The following ALS2 variants were observed in gnomAD, a reference collection of about 807,000 sequenced individuals.
ALS2 encodes the protein alsin.
Under a neutral mutation model 203.4 loss-of-function variants are expected in ALS2, and 117 were observed. That is an observed-to-expected ratio of 0.58 (90% CI 0.50 to 0.67). The LOEUF is 0.67. Ranked by LOEUF, ALS2 falls within the 30% of genes least tolerant of loss-of-function variation. The probability of loss-of-function intolerance (pLI) is 0.00; values close to 1 mark genes in which losing one functional copy is unlikely to be tolerated. For missense variants in ALS2, 1,715 were observed against 1,989.4 expected, an observed-to-expected ratio of 0.86 and a Z score of 2.62; for synonymous variants, 718 against 725.9, an observed-to-expected ratio of 0.99 and a Z score of 0.17.
At chr2:201,770,926 A>T (rs7573960) in intron 1 of ALS2, among the ~76,000 whole-genome samples, 13 of 151,994 alleles carry the variant, frequency 8.6e-5, no homozygotes, top group Admixed American at 3.3e-4. Flanking sequence ...CAGAACTTGA[A>T]GATAATATAT....
intron 4 of ALS2, among the ~76,000 whole-genome samples, chr2:201,758,782 GTGTT>G (rs1428096914): frequency 2.0e-4 from 30 of 151,950 alleles, no homozygotes; most frequent in African/African-American, 6.0e-4. Flanking sequence ...GTGTGTGTGT[GTGTT>G]TGTTTGTATA....
At chr2:201,734,467 C>CAAAAAAAAAAAAAAAAAAAAA (rs576164468) in intron 12 of ALS2, among the ~76,000 whole-genome samples, 1 of 132,358 alleles carries the variant, frequency 7.6e-6, no homozygotes. Context: ...CAGCCTGTCT[C>CAAAAAAAAAAAAAAAAAAAAA]AAAAAAAAAA....
At chr2:201,717,666 A>G (rs1690494409) in intron 24 of ALS2, among the ~76,000 whole-genome samples, 1 of 150,026 alleles carries the variant, frequency 6.7e-6, no homozygotes, top group African/African-American at 2.4e-5. Context: ...GACTTTGGCC[A>G]GGTGCAGCGG....
Position 201,761,302 on chromosome 2 carries a change from C to T in ALS2, c.692G>A (p.Arg231Gln), listed in dbSNP as rs1693753698. 1 of 1,614,102 alleles carries T rather than the reference C, an allele frequency of 6.2e-7. No individual in the cohort carries two copies. The highest frequency in any genetic ancestry group is 8.5e-7 in the Non-Finnish European group (1 of 1,180,030). The change falls in exon 4 of 34, where the codon CGA becomes CAA. Residue 231 changes from arginine to glutamine, a missense_variant. Physicochemically the swap from Arg to Gln is conservative, Grantham distance 43 (BLOSUM62 1). Coordinates refer to ENST00000264276, the MANE Select transcript of ALS2 (RefSeq NM_020919.4). ...PSQDLKPVPERCNQCSQLLIT... is the reference protein window; with the variant it reads ...PSQDLKPVPEQCNQCSQLLIT... ...CAAGAGCTGGCTGCACTGGTTGCATCGTTCTGGGACTGGCTTCAGATCCTG... is the reference window on the plus strand; with the variant it reads ...CAAGAGCTGGCTGCACTGGTTGCATTGTTCTGGGACTGGCTTCAGATCCTG...
Position 201,726,728 on chromosome 2 carries a change from T to C in ALS2, c.3118A>G (p.Lys1040Glu), listed in dbSNP as rs1364608274. 1 of 1,614,114 alleles carries C rather than the reference T, an allele frequency of 6.2e-7. No homozygotes were observed. ...ISRSAKYTFYKDPRLKDATYD... is the reference protein window; with the variant it reads ...ISRSAKYTFYEDPRLKDATYD... ...GTGGCATCCTTTAGGCGAGGATCCT[T>C]GTAGAAAGTATATTTGGCACTGCGT... Residue 1040 changes from lysine to glutamate, a missense_variant, in exon 18 of 34, where the codon AAG becomes GAG. This residue lies in a region of ALS2 where 1,227 missense variants were observed against 1,413.5 expected (regional missense o/e 0.87). Coordinates refer to ENST00000264276, the MANE Select transcript of ALS2 (RefSeq NM_020919.4).
chr2:201,747,267 G>C (rs1367646027), intron 8 of ALS2, among the ~76,000 whole-genome samples: 1 of 152,020 alleles, frequency 6.6e-6, no homozygotes, highest in African/African-American at 2.4e-5. Flanking sequence ...ACTTTACTGT[G>C]CCTACTCCCA....
chr2:201,770,846 G>A (rs957836058), intron 1 of ALS2, among the ~76,000 whole-genome samples: 4 of 152,020 alleles, frequency 2.6e-5, no homozygotes, highest in Non-Finnish European at 2.9e-5. Flanking sequence ...TTCCTAGAGC[G>A]TCCAGAAAAA....
chr2:201,732,447 A>C (rs1691630689), intron 13 of ALS2, among the ~76,000 whole-genome samples: 1 of 151,786 alleles, frequency 6.6e-6, no homozygotes, highest in Non-Finnish European at 1.5e-5. Flanking sequence ...ACACACCTGT[A>C]ATCTCAGCTA....
chr2:201,717,837 A>T (rs1414019525), intron 24 of ALS2, among the ~76,000 whole-genome samples: 1 of 151,528 alleles, frequency 6.6e-6, no homozygotes, highest in Non-Finnish European at 1.5e-5. Flanking sequence ...CTACTAGGGA[A>T]GCTGATGCGG....
chr2:201,729,402 T>A (rs1029323370), intron 13 of ALS2, among the ~76,000 whole-genome samples: 1 of 152,006 alleles, frequency 6.6e-6, no homozygotes, highest in Non-Finnish European at 1.5e-5. Flanking sequence ...ATAACTCAGG[T>A]GACAGAGACA....
chr2:201,720,608 G>C (rs534651605), intron 23 of ALS2, among the ~76,000 whole-genome samples: 1 of 151,872 alleles, frequency 6.6e-6, no homozygotes, highest in East Asian at 1.9e-4. Flanking sequence ...CAGTTACTTG[G>C]GGGGCTGAGG....
chr2:201,770,172 T>C (rs977836926), intron 1 of ALS2, among the ~76,000 whole-genome samples: 21 of 152,312 alleles, frequency 1.4e-4, no homozygotes, highest in African/African-American at 4.8e-4. Context: ...CTATCAGAGA[T>C]CATGGAGTTA....
chr2:201,724,269 G>A (rs559001368), intron 21 of ALS2, 26 bp downstream of exon 21: 9 of 1,604,440 alleles, frequency 5.6e-6, no homozygotes, highest in Non-Finnish European at 7.7e-6. Context: ...GGCTTAAACT[G>A]TGGGAATAGA....
At chr2:201,728,392 C>T (rs1408202794) in intron 15 of ALS2, 120 bp downstream of exon 15, 4 of 1,402,386 alleles carry the variant, frequency 2.9e-6, no homozygotes, top group Non-Finnish European at 4.0e-6. Context: ...GATGGCTAGC[C>T]TCTTTTAGTC....
chr2:201,728,219 G>C (rs915593609), intron 15 of ALS2, among the ~76,000 whole-genome samples: 1 of 152,054 alleles, frequency 6.6e-6, no homozygotes, highest in African/African-American at 2.4e-5. Context: ...TACATTAGGT[G>C]TATCTCCTAA....
At chr2:201,735,280 G>A (rs1047851108) in intron 12 of ALS2, among the ~76,000 whole-genome samples, 1 of 152,172 alleles carries the variant, frequency 6.6e-6, no homozygotes, top group African/African-American at 2.4e-5. Context: ...TGAAAAAATA[G>A]TGATGGTTAT....
Position 201,754,403 on chromosome 2 carries a change from C to G in ALS2, c.1640+100G>C. The G allele has an allele frequency of 4.2e-6, 6 of 1,425,552 alleles. No homozygotes were observed. In the South Asian group the frequency reaches 5.8e-5, roughly 14 times the overall value. The allele number at this position is 1,425,552 out of a possible 1,614,324, so 88.3% of individuals were successfully genotyped here. A position where few individuals can be genotyped will look rare whatever the true frequency, so the allele number is the denominator to read the frequency against. The stretch of plus-strand genomic sequence containing the variant: ...TGTAATAATCTGAAGCTAGAAGAGC[C>G]CAGATTTCCTCTATGAGGAAAGTGA... On this transcript the variant is annotated intron_variant, in intron 6 of 33. Coordinates refer to ENST00000264276, the MANE Select transcript of ALS2 (RefSeq NM_020919.4).
In ALS2 at chr2:201,720,504, A is replaced by G. The variant is rs1380905435; in HGVS notation, c.3703-2294T>C. The stretch of plus-strand genomic sequence containing the variant: ...GATTGCTTGAGCTCAGGAGTTTGAG[A>G]CCAGCTTGGGCAACATAGCGAAACT... On this transcript the variant is annotated intron_variant, in intron 23 of 33. Coordinates refer to ENST00000264276, the MANE Select transcript of ALS2 (RefSeq NM_020919.4). Among the ~76,000 whole-genome samples, 5 of 143,268 alleles carry G rather than the reference A, an allele frequency of 3.5e-5. No homozygotes were observed. In the East Asian group the frequency reaches 1.1e-3, roughly 30 times the overall value. 94.0% of individuals were successfully genotyped at this position (143,268 alleles called of 152,430 possible).
intron 33 of ALS2, among the ~76,000 whole-genome samples, chr2:201,703,065 G>A (rs922044532): frequency 6.6e-6 from 1 of 152,072 alleles, no homozygotes. Flanking sequence ...GCAGTGAGTC[G>A]AGATTGCACC....
Sources: allele counts gnomAD v4.1 joint callset (sites outside exome capture counted in the v4.1 genomes callset), GRCh38; gene constraint gnomAD v4.1.1; regional missense constraint gnomAD v4.1.1; transcripts MANE v1.5; gene names NCBI Gene and HGNC (gene_info 2026-07-23, HGNC 2026-07-21).